The following COG2 variants were observed in gnomAD, a reference collection of about 807,000 sequenced individuals.
COG2 encodes component of oligomeric golgi complex 2, also known as conserved oligomeric Golgi complex subunit 2.
COG2 carries 52 observed loss-of-function variants against 90.6 expected under a neutral mutation model. The observed-to-expected ratio is 0.57, with a 90% CI of 0.46 to 0.72. COG2 has a LOEUF of 0.72. COG2 is among the 30% of genes least tolerant of loss of function. The probability of loss-of-function intolerance (pLI) is 0.00; values close to 1 mark genes in which losing one functional copy is unlikely to be tolerated. For missense variants in COG2, 829 were observed against 891.2 expected, an observed-to-expected ratio of 0.93 and a Z score of 0.89; for synonymous variants, 337 against 320.4, an observed-to-expected ratio of 1.05 and a Z score of -0.55.
intron 3 of COG2, among the ~76,000 whole-genome samples, chr1:230,662,045 C>G (rs1662192979): frequency 6.6e-6 from 1 of 151,960 alleles, no homozygotes; most frequent in Non-Finnish European, 1.5e-5. Flanking sequence ...CCTCTCCTCT[C>G]CTCTTCTCTC....
At chr1:230,687,453 T>C (rs919040450) in intron 13 of COG2, among the ~76,000 whole-genome samples, 15 of 152,224 alleles carry the variant, frequency 9.9e-5, no homozygotes, top group Admixed American at 8.5e-4. Flanking sequence ...CCCACTTTTT[T>C]TTTCCCATTA....
chr1:230,673,602 T>A (rs531247603), intron 8 of COG2, among the ~76,000 whole-genome samples: 1 of 152,380 alleles, frequency 6.6e-6, no homozygotes, highest in Non-Finnish European at 1.5e-5. Context: ...GATTACATTA[T>A]GTATATCTGT....
intron 7 of COG2, chr1:230,670,910 A>G (rs906731914): frequency 6.6e-6 from 1 of 151,504 alleles, no homozygotes; most frequent in African/African-American, 2.4e-5. Flanking sequence ...ACTGCGCCCA[A>G]CCGATGAAAA....
At chr1:230,649,054 A>C (rs1217781201) in intron 1 of COG2, among the ~76,000 whole-genome samples, 1 of 152,226 alleles carries the variant, frequency 6.6e-6, no homozygotes. Flanking sequence ...TAAATACATC[A>C]AACACAGATA....
intron 1 of COG2, among the ~76,000 whole-genome samples, chr1:230,650,626 A>G (rs1172049792): frequency 1.3e-5 from 2 of 151,966 alleles, no homozygotes; most frequent in African/African-American, 4.8e-5. Context: ...ATGATTTCCA[A>G]ATGTTTTCTC....
chr1:230,665,262 T>G (rs1662293180), intron 5 of COG2, among the ~76,000 whole-genome samples: 1 of 152,188 alleles, frequency 6.6e-6, no homozygotes, highest in Non-Finnish European at 1.5e-5. Flanking sequence ...CTTCACTCTG[T>G]GTCTTGGTGT....
chr1:230,692,587 A>G (rs1663058012), intron 17 of COG2, among the ~76,000 whole-genome samples: 1 of 152,142 alleles, frequency 6.6e-6, no homozygotes, highest in South Asian at 2.1e-4. Context: ...GAGCAAAAGA[A>G]AGGGAAGGAA....
intron 6 of COG2, 169 bp from the exon 7 acceptor site, chr1:230,669,187 T>C (rs1441714561): frequency 7.1e-6 from 4 of 561,738 alleles, no homozygotes; most frequent in Non-Finnish European, 9.0e-6. Context: ...GATTTACTTA[T>C]AAAGTGATTG....
Position 230,669,474 on chromosome 1 carries a change from ACAAG to A in COG2, c.714_717del (p.Asp238GlufsTer8). 6.2e-7 allele frequency: 1 copy of A among 1,614,124 alleles called. No individual in the cohort carries two copies. Among genetic ancestry groups the A allele is most frequent in the Non-Finnish European group, 8.5e-7 (1 of 1,179,972 alleles). On this transcript the variant is annotated frameshift_variant, in exon 7 of 18. Transcript: ENST00000366669. LOFTEE classifies it high-confidence loss of function. ...TGCTTGCGGACTTACGCCACGATTG[ACAAG>A]ACACGGGACGCGGAGGCCTTAGTTG...
chr1:230,645,750 A>G (rs1429231921), intron 1 of COG2, among the ~76,000 whole-genome samples: 1 of 152,200 alleles, frequency 6.6e-6, no homozygotes, highest in African/African-American at 2.4e-5. Flanking sequence ...GCAACTAGAC[A>G]GTCCTGTCTG....
At chr1:230,684,771 C>T (rs1558279116) in intron 11 of COG2, among the ~76,000 whole-genome samples, 1 of 152,194 alleles carries the variant, frequency 6.6e-6, no homozygotes, top group African/African-American at 2.4e-5. Context: ...ATTGCCACTC[C>T]AGCCCATGTT....
At chr1:230,664,639 A>G (rs1205211672) in intron 5 of COG2, 52 bp downstream of exon 5, 2 of 918,666 alleles carry the variant, frequency 2.2e-6, no homozygotes, top group East Asian at 2.7e-5. Flanking sequence ...CATCCAGAGT[A>G]AAAACTTTTT....
At position 230,693,527 on chromosome 1, in the gene COG2, A is replaced by G. The variant is rs929723427; in HGVS notation, c.*134A>G. On this transcript the variant is annotated 3_prime_UTR_variant, in exon 18 of 18. Transcript: ENST00000366669. ...AAGTGCTTCCAGCATCACTCCAGCA[A>G]CACGCCCATGCGTCTTCTCTCAGCG... The G allele has an allele frequency of 5.2e-6, 3 of 572,920 alleles. No individual in the cohort carries two copies. The highest frequency in any genetic ancestry group is 9.4e-6 in the Non-Finnish European group (3 of 318,302). 35.5% of individuals were successfully genotyped at this position (572,920 alleles called of 1,614,324 possible).
chr1:230,660,293 ATGT>A (rs370114444), intron 2 of COG2, among the ~76,000 whole-genome samples: 42 of 152,330 alleles, frequency 2.8e-4, no homozygotes, highest in African/African-American at 9.4e-4. Flanking sequence ...TCTAAGATAA[ATGT>A]TGTAGTAGGA....
chr1:230,673,376 T>C (rs1239940703), intron 8 of COG2, among the ~76,000 whole-genome samples: 1 of 152,232 alleles, frequency 6.6e-6, no homozygotes, highest in Non-Finnish European at 1.5e-5. Context: ...GATTTCCAGC[T>C]TGGTGCTCCC....
chr1:230,669,352 G>A lies in COG2; in HGVS notation c.595-4G>A. The A allele has an allele frequency of 6.3e-7, 1 of 1,588,120 alleles. No homozygotes were observed. Among genetic ancestry groups the A allele is most frequent in the Non-Finnish European group, 8.6e-7 (1 of 1,165,820 alleles). On this transcript the variant is annotated splice_region_variant and splice_polypyrimidine_tract_variant and intron_variant, in intron 6 of 17. Coordinates refer to ENST00000366669, the MANE Select transcript of COG2 (RefSeq NM_007357.3). Reference sequence around the variant, plus strand: ...TTTTTTTATTTACCCACCTTTTCTTGCAGCGTATAGCTGGCATTACAGCCA... The same window carrying A: ...TTTTTTTATTTACCCACCTTTTCTTACAGCGTATAGCTGGCATTACAGCCA...
chr1:230,657,148 G>C (rs1662077812), intron 1 of COG2, among the ~76,000 whole-genome samples: 1 of 152,072 alleles, frequency 6.6e-6, no homozygotes, highest in African/African-American at 2.4e-5. Context: ...AGTTGATGCA[G>C]TTTCTTCATA....
chr1:230,658,123 G>A (rs1662106865), intron 1 of COG2, among the ~76,000 whole-genome samples: 1 of 152,146 alleles, frequency 6.6e-6, no homozygotes, highest in Admixed American at 6.5e-5. Flanking sequence ...GTGAGGAGTT[G>A]TGATCCTTTG....
rs769921804 is a variant in COG2, at chr1:230,675,089, C to A, written c.991C>A (p.Leu331Ile). The change falls in exon 9 of 18, where the codon CTT becomes ATT. Residue 331 changes from leucine to isoleucine, a missense_variant. Coordinates refer to ENST00000366669, the MANE Select transcript of COG2 (RefSeq NM_007357.3). The part of the protein sequence containing the change: ...VQGLEEKLPS[L>I]FNPGNPDAFH... ...AGGATTAGAAGAAAAGTTACCCTCG[C>A]TTTTTAATCCTGGGAATCCCGATGC... is the stretch of plus-strand genomic sequence containing the variant. 6.2e-7 allele frequency: 1 copy of A among 1,612,376 alleles called. No homozygotes were observed. Among genetic ancestry groups the A allele is most frequent in the Non-Finnish European group, 8.5e-7 (1 of 1,179,230 alleles).
Sources: gnomAD v4.1 joint callset for allele counts (sites outside exome capture counted in the v4.1 genomes callset) on GRCh38, gnomAD v4.1.1 for gene constraint, MANE v1.5 for transcripts, NCBI Gene and HGNC (gene_info 2026-07-23, HGNC 2026-07-21) for gene names.